The following NCKAP5 variants were observed in gnomAD, a reference collection of about 807,000 sequenced individuals.
NCKAP5 encodes nck-associated protein 5.
Under a neutral mutation model 167.0 loss-of-function variants are expected in NCKAP5, and 92 were observed. That is an observed-to-expected ratio of 0.55 (90% confidence interval 0.47 to 0.66). The LOEUF is 0.66. Among genes scored for constraint, NCKAP5 ranks in the 30% least tolerant of loss-of-function variants. NCKAP5 has a pLI of 0.00. For missense variants in NCKAP5, 2,378 were observed against 2,315.0 expected, an observed-to-expected ratio of 1.03 and a Z score of -0.56; for synonymous variants, 891 against 877.4, an observed-to-expected ratio of 1.02 and a Z score of -0.27.
chr2:133,554,527 G>T (rs908452687), intron 2 of NCKAP5: 4 of 152,184 alleles, frequency 2.6e-5, no homozygotes, highest in African/African-American at 9.7e-5. Flanking sequence ...TTATGACCCA[G>T]TGATTTCTTA....
At chr2:132,940,736 G>T (rs1228404703) in intron 8 of NCKAP5, among the ~76,000 whole-genome samples, 2 of 151,076 alleles carry the variant, frequency 1.3e-5, no homozygotes, top group African/African-American at 4.9e-5. Flanking sequence ...CAAAGATCTG[G>T]GTCTCTAATC....
At chr2:133,426,327 C>A (rs538674755) in intron 3 of NCKAP5, among the ~76,000 whole-genome samples, 17 of 149,204 alleles carry the variant, frequency 1.1e-4, no homozygotes, top group African/African-American at 4.2e-4. Flanking sequence ...CACCTCATAT[C>A]AAAACTGTGA....
intron 5 of NCKAP5, among the ~76,000 whole-genome samples, chr2:133,146,096 AAAGCAACATCTAGATAAAATGGGAGGG>A (rs1187041350): frequency 6.6e-6 from 1 of 152,084 alleles, no homozygotes; most frequent in Non-Finnish European, 1.5e-5. Flanking sequence ...ATCTAGATAA[AAAGCAACATCTAGATAAAATGGGAGGG>A]AAGCAACATC....
chr2:133,163,551 G>A (rs1010837320), intron 5 of NCKAP5, among the ~76,000 whole-genome samples: 7 of 152,164 alleles, frequency 4.6e-5, no homozygotes, highest in African/African-American at 1.7e-4. Flanking sequence ...TTTTGCTGGA[G>A]TAAAATTTCA....
Position 133,565,483 on chromosome 2 carries a change from A to G in NCKAP5, c.-130+2733T>C, listed in dbSNP as rs1340735068. 2.0e-5 allele frequency among the ~76,000 whole-genome samples: 3 copies of G among 152,246 alleles called. No individual in the cohort carries two copies. In the East Asian group the frequency reaches 5.8e-4, roughly 29 times the overall value. On this transcript the variant is annotated intron_variant, in intron 1 of 19. Transcript: ENST00000409261. ...AAGAGAAATTGAAATAGAAAAGTTA[A>G]GTGAATTAACCAGGATCATAAAGCC... is the stretch of plus-strand genomic sequence containing the variant.
rs1173585326 is a variant in NCKAP5 at position 132,920,722 on chromosome 2, T to C, written c.580-41806A>G. ...ATATACGTATATGTATATATATGTA[T>C]ATATATATATGTATATATATGTGTA... On this transcript the variant is annotated intron_variant, in intron 8 of 19. Transcript: ENST00000409261. Among the ~76,000 whole-genome samples, 63 of 65,118 alleles carry C rather than the reference T, an allele frequency of 9.7e-4. 3 individuals are homozygous for C. The East Asian group carries it at 0.023, about 24-fold the overall frequency. 42.7% of individuals were successfully genotyped at this position (65,118 alleles called of 152,430 possible).
intron 4 of NCKAP5, among the ~76,000 whole-genome samples, chr2:133,279,752 T>C (rs545305333): frequency 6.6e-6 from 1 of 152,210 alleles, no homozygotes; most frequent in Non-Finnish European, 1.5e-5. Flanking sequence ...ATTAATGAAA[T>C]GTATAAATGG....
chr2:132,851,340 C>G (rs1689062857), intron 11 of NCKAP5, among the ~76,000 whole-genome samples: 1 of 152,046 alleles, frequency 6.6e-6, no homozygotes, highest in Non-Finnish European at 1.5e-5. Context: ...TGAATCTGGC[C>G]CAACTGTTCT....
Position 132,860,518 on chromosome 2 carries a change from T to C in NCKAP5, c.781A>G (p.Arg261Gly). 6.3e-7 allele frequency: 1 copy of C among 1,582,362 alleles called. No homozygotes were observed. Among genetic ancestry groups the C allele is most frequent in the South Asian group, 1.2e-5 (1 of 86,458 alleles). ...TLSILFQQRV[R>G]PTSDLLLQKL... ...TGGAGGAGCAGATCAGAAGTGGGTC[T>C]GACTCGCTGTTGGAATAGGATGCTT... The change falls in exon 11 of 20, where the codon AGA (arginine) becomes GGA (glycine). Residue 261 changes from arginine (R) to glycine (G), a missense_variant. Arg to Gly is a moderately radical substitution (Grantham distance 125). Coordinates refer to ENST00000409261, the MANE Select transcript of NCKAP5 (RefSeq NM_207363.3).
At chr2:133,310,303 G>A (rs1451033594) in intron 3 of NCKAP5, among the ~76,000 whole-genome samples, 1 of 152,132 alleles carries the variant, frequency 6.6e-6, no homozygotes, top group Admixed American at 6.5e-5. Context: ...GTCCCAGCTT[G>A]AACAGATCCA....
the NCKAP5 span, among the ~76,000 whole-genome samples, chr2:133,636,562 G>A: frequency 6.6e-6 from 1 of 152,194 alleles, no homozygotes; most frequent in African/African-American, 2.4e-5. Context: ...GAGTGAATAG[G>A]AGCATTTCTG....
At chr2:133,507,520 G>A (rs1027386145) in intron 3 of NCKAP5, among the ~76,000 whole-genome samples, 1 of 152,212 alleles carries the variant, frequency 6.6e-6, no homozygotes, top group Non-Finnish European at 1.5e-5. Flanking sequence ...TGAAATTTAT[G>A]AGGAAGAAAC....
rs994745126 is a variant in NCKAP5 at position 132,720,758 on chromosome 2, C to T, written c.5713+4869G>A. Among the ~76,000 whole-genome samples the T allele has an allele frequency of 2.0e-5, 3 of 152,204 alleles. No homozygotes were observed. In the East Asian group the frequency reaches 5.8e-4, roughly 29 times the overall value. On this transcript the variant is annotated intron_variant, in intron 19 of 19. Transcript: ENST00000409261. ...GGCACAGTGGCTCACCCTGTAATCC[C>T]AGCACTTTGGGAGGCCAAGGCAGGA... is the stretch of plus-strand genomic sequence containing the variant.
upstream of NCKAP5, among the ~76,000 whole-genome samples, chr2:133,570,223 G>A (rs1007097921): frequency 1.3e-5 from 2 of 152,150 alleles, no homozygotes; most frequent in Admixed American, 6.5e-5. Flanking sequence ...GGTTACCCTC[G>A]GGAAAAAAGG....
chr2:133,028,042 T>C (rs547832319), intron 6 of NCKAP5, among the ~76,000 whole-genome samples: 5 of 152,334 alleles, frequency 3.3e-5, no homozygotes, highest in Admixed American at 6.5e-5. Context: ...TGGAGTATTT[T>C]GTATTTCAGA....
intron 8 of NCKAP5, chr2:132,926,248 T>G (rs976290804): frequency 1.1e-4 from 36 of 327,072 alleles, no homozygotes; most frequent in African/African-American, 5.9e-4. Context: ...GCCACTAGTA[T>G]TCCATTGTGT....
At chr2:133,568,934 G>A (rs992865040), upstream of NCKAP5, among the ~76,000 whole-genome samples, 1 of 152,142 alleles carries the variant, frequency 6.6e-6, no homozygotes, top group Non-Finnish European at 1.5e-5. Flanking sequence ...ACTCCTTTTA[G>A]ATACATTCTA....
chr2:133,538,384 GA>G lies in NCKAP5; in HGVS notation c.-62+20665del, dbSNP rs539676942. On this transcript the variant is annotated intron_variant, in intron 2 of 19. Coordinates refer to ENST00000409261, the MANE Select transcript of NCKAP5 (RefSeq NM_207363.3). Reference sequence around the variant, plus strand: ...AATTAAAATACATTTAATTTGCAGAGATTTTTTTAGCCTAATTTGAAGGATT... The same window carrying G: ...AATTAAAATACATTTAATTTGCAGAGTTTTTTTAGCCTAATTTGAAGGATT... Among the ~76,000 whole-genome samples, 169 of 152,208 alleles carry G rather than the reference GA, an allele frequency of 1.1e-3. 1 individual carries two copies. Among genetic ancestry groups the G allele is most frequent in the African/African-American group, 3.8e-3 (157 of 41,530 alleles).
Position 133,459,017 on chromosome 2 carries a change from T to C in NCKAP5, c.69+58441A>G, listed in dbSNP as rs537953643. On this transcript the variant is annotated intron_variant, in intron 3 of 19. Transcript: ENST00000409261. The stretch of plus-strand genomic sequence containing the variant: ...TCTAAATATGCATCTAGTCCATCTT[T>C]GGCTAGTGATGGACCTTCCTCGGCT... 4.6e-5 allele frequency among the ~76,000 whole-genome samples: 7 copies of C among 152,302 alleles called. No homozygotes were observed. In the South Asian group the frequency reaches 1.5e-3, roughly 32 times the overall value.
Sources: allele counts gnomAD v4.1 joint callset (sites outside exome capture counted in the v4.1 genomes callset), GRCh38; gene constraint gnomAD v4.1.1; transcripts MANE v1.5; gene names NCBI Gene and HGNC (gene_info 2026-07-23, HGNC 2026-07-21).